Variants in KHDRBS2 observed in about 807,000 individuals in gnomAD.
KHDRBS2 encodes the protein KH domain-containing, RNA-binding, signal transduction-associated protein 2.
A neutral mutation model predicts 44.3 loss-of-function variants in KHDRBS2; 26 were observed. The observed-to-expected ratio is 0.59, with a 90% confidence interval of 0.43 to 0.81. The LOEUF is 0.81. Among genes scored for constraint, KHDRBS2 ranks in the 40% least tolerant of loss-of-function variants. The pLI is 0.00. For missense variants in KHDRBS2, 476 were observed against 433.1 expected, an observed-to-expected ratio of 1.10 and a Z score of -0.88; for synonymous variants, 194 against 151.1, an observed-to-expected ratio of 1.28 and a Z score of -2.08.
At chr6:61,868,469 C>T (rs1276282438) in intron 6 of KHDRBS2, among the ~76,000 whole-genome samples, 1 of 152,184 alleles carries the variant, frequency 6.6e-6, no homozygotes, top group East Asian at 1.9e-4. Flanking sequence ...CTTAATGTCC[C>T]AGGGAGAAAT....
At chr6:62,056,083 C>T (rs1790222030) in intron 2 of KHDRBS2, among the ~76,000 whole-genome samples, 1 of 151,952 alleles carries the variant, frequency 6.6e-6, no homozygotes, top group Admixed American at 6.6e-5. Flanking sequence ...TTCCTGAAGA[C>T]CTTTCCTTCA....
chr6:62,253,540 G>T (rs1398211771), intron 1 of KHDRBS2, among the ~76,000 whole-genome samples: 1 of 151,790 alleles, frequency 6.6e-6, no homozygotes, highest in Non-Finnish European at 1.5e-5. Flanking sequence ...TAAAATGCAA[G>T]TTGTACAGTT....
intron 3 of KHDRBS2, among the ~76,000 whole-genome samples, chr6:62,026,569 A>G (rs1319196855): frequency 6.6e-6 from 1 of 151,618 alleles, no homozygotes; most frequent in East Asian, 1.9e-4. Context: ...AGTAACTGGG[A>G]TCACAGGCAT....
chr6:61,872,963 T>C (rs1424720236), intron 6 of KHDRBS2, among the ~76,000 whole-genome samples: 2 of 152,108 alleles, frequency 1.3e-5, no homozygotes, highest in Non-Finnish European at 2.9e-5. Flanking sequence ...CTGATAAAAC[T>C]GGTTATCCAT....
intron 3 of KHDRBS2, among the ~76,000 whole-genome samples, chr6:62,009,649 CA>C (rs1164057558): frequency 1.3e-5 from 2 of 152,148 alleles, no homozygotes; most frequent in African/African-American, 4.8e-5. Flanking sequence ...AAGCTGTGTG[CA>C]GTCAAGAGAC....
At chr6:62,011,753 T>C (rs1780332894) in intron 3 of KHDRBS2, among the ~76,000 whole-genome samples, 1 of 152,170 alleles carries the variant, frequency 6.6e-6, no homozygotes, top group Admixed American at 6.6e-5. Context: ...AAAGCATTTG[T>C]AGGAATTCTT....
intron 6 of KHDRBS2, among the ~76,000 whole-genome samples, chr6:61,762,928 G>A (rs1779488259): frequency 6.6e-6 from 1 of 152,056 alleles, no homozygotes; most frequent in Admixed American, 6.6e-5. Flanking sequence ...ACTCAATCAA[G>A]CCAGCAGCAG....
intron 1 of KHDRBS2, among the ~76,000 whole-genome samples, chr6:62,273,182 AT>A (rs1240007771): frequency 3.9e-5 from 6 of 152,054 alleles, no homozygotes; most frequent in African/African-American, 1.2e-4. Context: ...CAAAATTGCT[AT>A]TTTTTCAGGT....
At chr6:62,033,974 A>C (rs560442415) in intron 3 of KHDRBS2, among the ~76,000 whole-genome samples, 1 of 151,922 alleles carries the variant, frequency 6.6e-6, no homozygotes, top group South Asian at 2.1e-4. Flanking sequence ...TCAGAGATGA[A>C]AAAGGAGACA....
chr6:62,164,158 A>C (rs1818208126), intron 2 of KHDRBS2, among the ~76,000 whole-genome samples: 1 of 151,962 alleles, frequency 6.6e-6, no homozygotes, highest in Non-Finnish European at 1.5e-5. Context: ...CTTAAATTAT[A>C]ATAAGGAACT....
the KHDRBS2 span, among the ~76,000 whole-genome samples, chr6:61,566,595 G>A: frequency 1.3e-5 from 2 of 152,102 alleles, no homozygotes; most frequent in Non-Finnish European, 2.9e-5. Context: ...GCCCAGGAAT[G>A]AAAAAGGAGA....
chr6:61,871,301 T>C (rs1244719812), intron 6 of KHDRBS2, among the ~76,000 whole-genome samples: 1 of 151,822 alleles, frequency 6.6e-6, no homozygotes, highest in Admixed American at 6.6e-5. Flanking sequence ...GAAGACAAGA[T>C]TAGAGAAAAA....
chr6:62,166,348 T>C (rs908577383), intron 2 of KHDRBS2, among the ~76,000 whole-genome samples: 2 of 152,052 alleles, frequency 1.3e-5, no homozygotes, highest in African/African-American at 4.8e-5. Flanking sequence ...AGTGAGGTTG[T>C]TCTACAGTTT....
chr6:61,619,486 C>T, the KHDRBS2 span, among the ~76,000 whole-genome samples: 1 of 152,138 alleles, frequency 6.6e-6, no homozygotes, highest in African/African-American at 2.4e-5. Flanking sequence ...TGAAGTTTCA[C>T]TCTTGTTGCC....
chr6:61,964,483 T>A (rs1276867337), intron 4 of KHDRBS2, among the ~76,000 whole-genome samples: 1 of 152,014 alleles, frequency 6.6e-6, no homozygotes. Flanking sequence ...AACTTATATG[T>A]CTCCCCAGCA....
chr6:61,796,244 T>A (rs1189194324), intron 6 of KHDRBS2, among the ~76,000 whole-genome samples: 1 of 152,050 alleles, frequency 6.6e-6, no homozygotes, highest in Non-Finnish European at 1.5e-5. Flanking sequence ...TTGAAACATG[T>A]TATTTAACTC....
chr6:61,608,001 A>G, the KHDRBS2 span, among the ~76,000 whole-genome samples: 20 of 152,246 alleles, frequency 1.3e-4, no homozygotes, highest in South Asian at 2.7e-3. Context: ...AAATTTCTTT[A>G]ATGTAGCCAA....
At chr6:61,653,156 A>T in the KHDRBS2 span, among the ~76,000 whole-genome samples, 1 of 152,130 alleles carries the variant, frequency 6.6e-6, no homozygotes, top group Non-Finnish European at 1.5e-5. Context: ...GCTTAAATTT[A>T]GGAAGACAAA....
chr6:61,965,544 T>C (rs946237402), intron 4 of KHDRBS2, among the ~76,000 whole-genome samples: 1 of 152,074 alleles, frequency 6.6e-6, no homozygotes, highest in Non-Finnish European at 1.5e-5. Flanking sequence ...AGAGGGTAGA[T>C]ATTTTCCAGA....
Sources: gnomAD v4.1 joint callset for allele counts (sites outside exome capture counted in the v4.1 genomes callset) on GRCh38, gnomAD v4.1.1 for gene constraint, MANE v1.5 for transcripts, NCBI Gene and HGNC (gene_info 2026-07-23, HGNC 2026-07-21) for gene names.